TTC29: variants seen among roughly 807,000 people sequenced by gnomAD.
The protein encoded by TTC29 is tetratricopeptide repeat domain 29.
In TTC29, 49 loss-of-function variants were observed where a neutral mutation model predicts 58.1. The ratio of observed to expected loss-of-function variants is 0.84; its 90% confidence interval spans 0.67 to 1.07. The LOEUF is 1.07. TTC29 is among the 50% of genes least tolerant of loss of function. The pLI is 0.00. For missense variants in TTC29, 582 were observed against 555.6 expected, an observed-to-expected ratio of 1.05 and a Z score of -0.48; for synonymous variants, 209 against 196.8, an observed-to-expected ratio of 1.06 and a Z score of -0.52.
At chr4:146,931,446 G>T (rs1413487839) in intron 4 of TTC29, among the ~76,000 whole-genome samples, 2 of 152,038 alleles carry the variant, frequency 1.3e-5, no homozygotes, top group East Asian at 3.8e-4. Context: ...ATTGAGTGTC[G>T]TCTACACGTG....
intron 10 of TTC29, among the ~76,000 whole-genome samples, chr4:146,805,842 A>G (rs1348542422): frequency 6.6e-6 from 1 of 152,162 alleles, no homozygotes; most frequent in East Asian, 1.9e-4. Flanking sequence ...CACCTCCCCA[A>G]CCTAGCAAGA....
intron 9 of TTC29, among the ~76,000 whole-genome samples, chr4:146,825,940 TAA>T (rs1166927825): frequency 1.6e-4 from 24 of 150,016 alleles, no homozygotes; most frequent in Non-Finnish European, 2.5e-4. Context: ...CTTTTTTTTT[TAA>T]AAAAATTTCC....
At chr4:146,841,924 T>C (rs1420708135) in intron 8 of TTC29, among the ~76,000 whole-genome samples, 6 of 152,072 alleles carry the variant, frequency 3.9e-5, no homozygotes, top group African/African-American at 1.4e-4. Context: ...GTAAAAGTAC[T>C]GTCTAAGGAT....
chr4:146,912,479 T>G (rs1733961061), intron 4 of TTC29, among the ~76,000 whole-genome samples: 1 of 152,116 alleles, frequency 6.6e-6, no homozygotes, highest in African/African-American at 2.4e-5. Context: ...CCCCGAGTAG[T>G]GCGCTGCTGT....
intron 9 of TTC29, among the ~76,000 whole-genome samples, chr4:146,821,189 G>A (rs1202863554): frequency 6.6e-6 from 1 of 152,202 alleles, no homozygotes; most frequent in Non-Finnish European, 1.5e-5. Context: ...TAGGCTAGTG[G>A]TCGCTAGAGG....
At chr4:146,876,353 C>T (rs768795867) in intron 6 of TTC29, among the ~76,000 whole-genome samples, 6 of 152,156 alleles carry the variant, frequency 3.9e-5, no homozygotes, top group Admixed American at 6.5e-5. Flanking sequence ...GTATAACTTA[C>T]TCTTCCCACA....
intron 6 of TTC29, among the ~76,000 whole-genome samples, chr4:146,884,480 T>C (rs1731845898): frequency 6.6e-6 from 1 of 152,098 alleles, no homozygotes; most frequent in Non-Finnish European, 1.5e-5. Context: ...GCTTTACACT[T>C]AGGAACTAGT....
intron 2 of TTC29, chr4:146,942,628 C>T (rs559923410): frequency 1.4e-4 from 216 of 1,533,474 alleles, no homozygotes; most frequent in Non-Finnish European, 1.8e-4. Flanking sequence ...CCAGAGTCTT[C>T]CAATGTTACA....
chr4:146,928,358 G>A (rs987292409), intron 4 of TTC29, among the ~76,000 whole-genome samples: 4 of 152,050 alleles, frequency 2.6e-5, no homozygotes, highest in Non-Finnish European at 5.9e-5. Context: ...TACTTTTTGT[G>A]AATTAAATGA....
chr4:146,772,847 C>A (rs913618016), intron 11 of TTC29, among the ~76,000 whole-genome samples: 4 of 152,064 alleles, frequency 2.6e-5, no homozygotes, highest in African/African-American at 9.7e-5. Flanking sequence ...TTGATTCTTT[C>A]TATCTATGAG....
chr4:146,719,181 G>T (rs1743167090), intron 11 of TTC29, among the ~76,000 whole-genome samples: 1 of 138,756 alleles, frequency 7.2e-6, no homozygotes, highest in Non-Finnish European at 1.5e-5. Context: ...CATTGCCTTG[G>T]CTATTGGGGT....
intron 11 of TTC29, among the ~76,000 whole-genome samples, chr4:146,726,259 G>A (rs963334205): frequency 2.6e-5 from 4 of 152,048 alleles, no homozygotes; most frequent in African/African-American, 7.2e-5. Flanking sequence ...TTTCAGACCA[G>A]CCTGGACAAA....
chr4:146,899,862 T>A (rs1195964823), intron 6 of TTC29, among the ~76,000 whole-genome samples: 1 of 152,200 alleles, frequency 6.6e-6, no homozygotes, highest in Non-Finnish European at 1.5e-5. Context: ...TGCCAGCTAA[T>A]GTCCCACTTT....
intron 4 of TTC29, among the ~76,000 whole-genome samples, chr4:146,920,779 ATATGTCTTGGGTGAGAAATCTG>A (rs1436397277): frequency 2.5e-4 from 38 of 151,238 alleles, no homozygotes; most frequent in African/African-American, 8.2e-4. Flanking sequence ...TAAATATTCT[ATATGTCTTGGGTGAGAAATCTG>A]TATGTCTTGG....
intron 11 of TTC29, among the ~76,000 whole-genome samples, chr4:146,772,178 A>G (rs1443830954): frequency 6.6e-6 from 1 of 152,112 alleles, no homozygotes; most frequent in Non-Finnish European, 1.5e-5. Context: ...GTTTGCAAAT[A>G]TATTCTCCCA....
chr4:146,706,702 G>C lies in TTC29; in HGVS notation c.*456C>G, dbSNP rs1741987465. On this transcript the variant is annotated 3_prime_UTR_variant, in exon 13 of 13. Coordinates refer to ENST00000325106, the MANE Select transcript of TTC29 (RefSeq NM_031956.4). ...TACTGTTACACAGGTAAAGAAAACT[G>C]TTTCAAACAAGACTTATCAGTATGG... is the stretch of plus-strand genomic sequence containing the variant. 2 of 152,410 alleles carry C rather than the reference G, an allele frequency of 1.3e-5. No homozygotes were observed. The highest frequency in any genetic ancestry group is 2.9e-5 in the Non-Finnish European group (2 of 68,256). 9.4% of individuals were successfully genotyped at this position (152,410 alleles called of 1,614,324 possible). A position where few individuals can be genotyped will look rare whatever the true frequency, so the allele number is the denominator to read the frequency against.
In TTC29 at chr4:146,830,075, T is replaced by C. The variant is rs531717122; in HGVS notation, c.977+3731A>G. Among the ~76,000 whole-genome samples the C allele has an allele frequency of 6.6e-4, 100 of 152,340 alleles. 1 individual carries two copies. The highest frequency in any genetic ancestry group is 1.2e-3 in the Non-Finnish European group (85 of 68,026). ...CTCAACTGGCTTTCTCTTTGTTTTA[T>C]GGACCATAATTCTAGCTTTTATTGT... On this transcript the variant is annotated intron_variant, in intron 9 of 12. Transcript: ENST00000325106.
chr4:146,877,740 G>A (rs909422379), intron 6 of TTC29, among the ~76,000 whole-genome samples: 1 of 152,128 alleles, frequency 6.6e-6, no homozygotes, highest in African/African-American at 2.4e-5. Flanking sequence ...TTTTGGCCAT[G>A]TAAGTGGGGA....
intron 11 of TTC29, among the ~76,000 whole-genome samples, chr4:146,718,591 TTTTATATG>T (rs1743114084): frequency 6.6e-6 from 1 of 152,204 alleles, no homozygotes; most frequent in Non-Finnish European, 1.5e-5. Flanking sequence ...TGTTTGAGTT[TTTTATATG>T]TTGGTTATTA....
Sources: allele counts gnomAD v4.1 joint callset (sites outside exome capture counted in the v4.1 genomes callset), GRCh38; gene constraint gnomAD v4.1.1; transcripts MANE v1.5; gene names NCBI Gene and HGNC (gene_info 2026-07-23, HGNC 2026-07-21).